The following DTNBP1 variants were observed in gnomAD, a reference collection of about 807,000 sequenced individuals.
DTNBP1 encodes the protein dystrobrevin binding protein 1, also known as dysbindin.
Under a neutral mutation model 42.8 loss-of-function variants are expected in DTNBP1, and 35 were observed. The observed-to-expected ratio is 0.82, with a 90% CI of 0.63 to 1.09. DTNBP1 has a LOEUF of 1.09. Among genes scored for constraint, DTNBP1 ranks in the 50% least tolerant of loss-of-function variants. The probability of loss-of-function intolerance (pLI) is 0.00; values close to 1 mark genes in which losing one functional copy is unlikely to be tolerated. For synonymous variants in DTNBP1, 171 were observed against 162.2 expected, an observed-to-expected ratio of 1.05 and a Z score of -0.41; for missense variants, 457 against 424.2, an observed-to-expected ratio of 1.08 and a Z score of -0.68.
At chr6:15,640,039 T>G (rs1382143215) in intron 3 of DTNBP1, among the ~76,000 whole-genome samples, 1 of 152,188 alleles carries the variant, frequency 6.6e-6, no homozygotes, top group African/African-American at 2.4e-5. Context: ...AGTTCATTCA[T>G]GATTTTCCTA....
chr6:15,635,759 ACT>A (rs1198889757), intron 4 of DTNBP1, among the ~76,000 whole-genome samples: 3 of 151,678 alleles, frequency 2.0e-5, no homozygotes, highest in African/African-American at 7.3e-5. Flanking sequence ...GTACTCTTTG[ACT>A]CTCTCTTGTA....
At chr6:15,549,004 T>A (rs1305722686) in intron 7 of DTNBP1, among the ~76,000 whole-genome samples, 1 of 152,186 alleles carries the variant, frequency 6.6e-6, no homozygotes, top group African/African-American at 2.4e-5. Flanking sequence ...GTGGACTAAT[T>A]TTGACAGTAA....
At chr6:15,536,821 C>T (rs955471706) in intron 7 of DTNBP1, among the ~76,000 whole-genome samples, 2 of 152,234 alleles carry the variant, frequency 1.3e-5, no homozygotes, top group East Asian at 1.9e-4. Context: ...AAGATGCAGG[C>T]ATTCAATGCC....
intron 3 of DTNBP1, among the ~76,000 whole-genome samples, chr6:15,639,333 T>G (rs887875202): frequency 2.0e-5 from 3 of 152,224 alleles, no homozygotes; most frequent in Admixed American, 2.0e-4. Context: ...AAAATAAAAC[T>G]TCTAAACTAC....
intron 9 of DTNBP1, 197 bp from the exon 10 acceptor site, chr6:15,523,416 G>A (rs952551662): frequency 2.7e-5 from 33 of 1,244,006 alleles, no homozygotes; most frequent in Middle Eastern, 5.7e-4. Flanking sequence ...CAGGCCCTGC[G>A]GTGACCCTTC....
rs1244700416 is a variant in DTNBP1, at chr6:15,586,094, A to G, written c.511+6965T>C. The G allele has an allele frequency of 2.6e-5, 27 of 1,039,042 alleles. No individual in the cohort carries two copies. In the South Asian group the frequency reaches 7.9e-4, roughly 30 times the overall value. 64.4% of individuals were successfully genotyped at this position (1,039,042 alleles called of 1,614,324 possible). ...GGAAGGCTGAAAATAACTAAATCCA[A>G]CAGAATTTGTCATCTAGGTACAAAG... On this transcript the variant is annotated intron_variant, in intron 7 of 9. Coordinates refer to ENST00000344537, the MANE Select transcript of DTNBP1 (RefSeq NM_032122.5).
intron 7 of DTNBP1, among the ~76,000 whole-genome samples, chr6:15,549,491 TAAAAAAAAAAAAAAA>T (rs1171397685): frequency 3.8e-5 from 3 of 77,954 alleles, no homozygotes; most frequent in Non-Finnish European, 5.1e-5. Flanking sequence ...TCTCAGGGAT[TAAAAAAAAAAAAAAA>T]AAAAAAAAAA....
intron 9 of DTNBP1, chr6:15,524,223 A>T: frequency 6.5e-7 from 1 of 1,540,824 alleles, no homozygotes. Context: ...CTTAACCACA[A>T]GGAGCAGACT....
intron 7 of DTNBP1, among the ~76,000 whole-genome samples, chr6:15,565,586 T>A (rs920935317): frequency 2.0e-5 from 3 of 152,168 alleles, no homozygotes; most frequent in African/African-American, 7.2e-5. Context: ...TACAAAAGAC[T>A]ATACGTAACA....
chr6:15,567,477 CAAA>C (rs1179500878), intron 7 of DTNBP1, among the ~76,000 whole-genome samples: 4 of 149,698 alleles, frequency 2.7e-5, no homozygotes, highest in African/African-American at 7.3e-5. Flanking sequence ...AACAAACAAA[CAAA>C]CAAACAAACA....
At chr6:15,570,224 A>C (rs58620746) in intron 7 of DTNBP1, among the ~76,000 whole-genome samples, 3,888 of 151,678 alleles carry the variant, frequency 0.026, 185 homozygotes, top group African/African-American at 0.088. Context: ...CTTTCCCAAC[A>C]CTCCCAAGAG....
intron 1 of DTNBP1, among the ~76,000 whole-genome samples, chr6:15,656,195 G>C (rs1392146813): frequency 6.6e-6 from 1 of 152,178 alleles, no homozygotes; most frequent in Non-Finnish European, 1.5e-5. Context: ...AAATAAAGCA[G>C]AGGTTCCCAA....
chr6:15,585,908 T>C (rs1023512172), intron 7 of DTNBP1: 7 of 1,419,732 alleles, frequency 4.9e-6, no homozygotes, highest in Non-Finnish European at 6.4e-6. Flanking sequence ...TCCAAAGAAA[T>C]TGTAGTAAGC....
intron 4 of DTNBP1, among the ~76,000 whole-genome samples, chr6:15,628,379 A>G (rs1759475832): frequency 6.6e-6 from 1 of 150,984 alleles, no homozygotes; most frequent in Non-Finnish European, 1.5e-5. Flanking sequence ...GACAATTTGT[A>G]CATCTCAAGA....
intron 7 of DTNBP1, among the ~76,000 whole-genome samples, chr6:15,591,022 A>C (rs1776276351): frequency 6.6e-6 from 1 of 152,222 alleles, no homozygotes; most frequent in Non-Finnish European, 1.5e-5. Context: ...AAATTGCCAC[A>C]ATATGTTCGA....
chr6:15,648,832 C>A (rs1012202041), intron 3 of DTNBP1, among the ~76,000 whole-genome samples: 1 of 151,764 alleles, frequency 6.6e-6, no homozygotes, highest in Non-Finnish European at 1.5e-5. Flanking sequence ...CAATTTAATC[C>A]CAATCAAAAC....
chr6:15,642,397 C>G (rs2113781487), intron 3 of DTNBP1, among the ~76,000 whole-genome samples: 1 of 152,334 alleles, frequency 6.6e-6, no homozygotes, highest in Middle Eastern at 3.4e-3. Flanking sequence ...TCCCCCAAGA[C>G]CTCAGCACAC....
chr6:15,634,948 T>C (rs1012346395), intron 4 of DTNBP1, among the ~76,000 whole-genome samples: 2 of 152,244 alleles, frequency 1.3e-5, no homozygotes, highest in African/African-American at 4.8e-5. Context: ...TTACATTCTT[T>C]AGAAGTTCTT....
At chr6:15,625,179 A>C (rs1268442754) in intron 5 of DTNBP1, among the ~76,000 whole-genome samples, 2 of 152,200 alleles carry the variant, frequency 1.3e-5, no homozygotes, top group Non-Finnish European at 2.9e-5. Context: ...AAATAACAGC[A>C]ATAGATTAAA....
Sources: allele counts gnomAD v4.1 joint callset (sites outside exome capture counted in the v4.1 genomes callset), GRCh38; gene constraint gnomAD v4.1.1; transcripts MANE v1.5; gene names NCBI Gene and HGNC (gene_info 2026-07-23, HGNC 2026-07-21).